FGGY: variants seen among roughly 807,000 people sequenced by gnomAD.
FGGY encodes the protein FGGY carbohydrate kinase domain containing.
A neutral mutation model predicts 71.3 loss-of-function variants in FGGY; 72 were observed. The ratio of observed to expected loss-of-function variants is 1.01; its 90% confidence interval spans 0.84 to 1.23. The LOEUF is 1.23. Among genes scored for constraint, FGGY ranks in the 50% most tolerant of loss-of-function variants. The pLI, the probability that FGGY is intolerant of heterozygous loss-of-function variation, is 0.00. For missense variants in FGGY, 668 were observed against 682.3 expected (o/e 0.98, Z 0.23); for synonymous variants, 251 against 250.3 (o/e 1.00, Z -0.02).
chr1:59,682,700 A>T (rs2097512830), intron 14 of FGGY, among the ~76,000 whole-genome samples: 1 of 152,214 alleles, frequency 6.6e-6, no homozygotes. Context: ...CTGTTGATGT[A>T]TTCTGTAGAA....
At chr1:59,549,751 T>G (rs1223861784) in intron 7 of FGGY, among the ~76,000 whole-genome samples, 3 of 152,244 alleles carry the variant, frequency 2.0e-5, no homozygotes, top group African/African-American at 7.2e-5. Flanking sequence ...AATGTACTCT[T>G]AATCATAACA....
chr1:59,329,371 C>G (rs952878784), intron 2 of FGGY, among the ~76,000 whole-genome samples: 5 of 152,184 alleles, frequency 3.3e-5, no homozygotes, highest in African/African-American at 1.2e-4. Context: ...ATGAAGTGAG[C>G]ACATGCTGTT....
chr1:59,296,809 A>T (rs1230572002), upstream of FGGY: 1 of 152,732 alleles, frequency 6.5e-6, no homozygotes, highest in Non-Finnish European at 1.5e-5. Flanking sequence ...GCGGGGCTGT[A>T]GCCGCCCCGG....
chr1:59,500,012 C>T (rs1362511219), intron 6 of FGGY, among the ~76,000 whole-genome samples: 2 of 152,140 alleles, frequency 1.3e-5, no homozygotes, highest in Admixed American at 6.5e-5. Flanking sequence ...TGTCTCTGTA[C>T]TGTCGAATTT....
At position 59,490,995 on chromosome 1, in the gene FGGY, C is replaced by CCT. The variant is rs1553243867; in HGVS notation, c.671-21316_671-21315insCT. 8.6e-4 allele frequency among the ~76,000 whole-genome samples: 33 copies of CCT among 38,498 alleles called. 2 individuals are homozygous for CCT. Among genetic ancestry groups the CCT allele is most frequent in the African/African-American group, 3.2e-3 (23 of 7,202 alleles). The allele number at this position is 38,498 out of a possible 152,430, so 25.3% of individuals were successfully genotyped here. ...TCCAGCCTGCTTGCTTGCTTGCTTGCTTCCTTTCCTTTCCTTTCCTTTCCT... is the reference window on the plus strand; with the variant it reads ...TCCAGCCTGCTTGCTTGCTTGCTTGCCTTTCCTTTCCTTTCCTTTCCTTTCCT... On this transcript the variant is annotated intron_variant, in intron 6 of 15. Transcript: ENST00000303721.
chr1:59,621,550 G>A (rs962977219), intron 9 of FGGY, among the ~76,000 whole-genome samples: 2 of 147,012 alleles, frequency 1.4e-5, no homozygotes, highest in African/African-American at 2.5e-5. Context: ...TTTTTTCAAT[G>A]CATTTATTTT....
At chr1:59,570,830 G>T (rs1341658369) in intron 8 of FGGY, among the ~76,000 whole-genome samples, 1 of 152,106 alleles carries the variant, frequency 6.6e-6, no homozygotes, top group African/African-American at 2.4e-5. Context: ...ATGCCACCTG[G>T]GTAAAAGCAT....
intron 7 of FGGY, among the ~76,000 whole-genome samples, chr1:59,533,249 A>G (rs1332216824): frequency 6.8e-6 from 1 of 147,374 alleles, no homozygotes; most frequent in Non-Finnish European, 1.5e-5. Flanking sequence ...GGGTGACAGC[A>G]CCTGGAAAAT....
In FGGY at chr1:59,584,654, T is replaced by A. The variant is rs1049567891; in HGVS notation, c.904-23149T>A. Reference sequence around the variant, plus strand: ...TCACCACTGCTATTCAACGTAGTGTTGGAAGTTCTGGCCAGGGCAATCAGG... The same window carrying A: ...TCACCACTGCTATTCAACGTAGTGTAGGAAGTTCTGGCCAGGGCAATCAGG... On this transcript the variant is annotated intron_variant, in intron 8 of 15. Transcript: ENST00000303721. 2.7e-4 allele frequency among the ~76,000 whole-genome samples: 40 copies of A among 150,106 alleles called. 5 individuals are homozygous for A. Among genetic ancestry groups the A allele is most frequent in the African/African-American group, 9.8e-4 (39 of 39,786 alleles).
chr1:59,538,434 G>A (rs2153682043), intron 7 of FGGY, among the ~76,000 whole-genome samples: 1 of 152,102 alleles, frequency 6.6e-6, no homozygotes, highest in East Asian at 1.9e-4. Context: ...AAGTCAGCGT[G>A]GCGATTCCTC....
chr1:59,570,603 G>C (rs535884201), intron 8 of FGGY, among the ~76,000 whole-genome samples: 1 of 152,178 alleles, frequency 6.6e-6, no homozygotes. Context: ...GAGTGAAACA[G>C]TGAGAGATCC....
chr1:59,547,721 G>C (rs1266209184), intron 7 of FGGY, among the ~76,000 whole-genome samples: 1 of 152,170 alleles, frequency 6.6e-6, no homozygotes. Flanking sequence ...GACAAGGTAT[G>C]TTGTGAGGCT....
intron 3 of FGGY, among the ~76,000 whole-genome samples, chr1:59,345,904 T>A (rs553054106): frequency 6.6e-6 from 1 of 152,298 alleles, no homozygotes; most frequent in Non-Finnish European, 1.5e-5. Context: ...CTTTCCTGAA[T>A]GTATGCCCAG....
At chr1:59,613,844 C>T (rs900483323) in intron 9 of FGGY, among the ~76,000 whole-genome samples, 2 of 152,178 alleles carry the variant, frequency 1.3e-5, no homozygotes, top group Non-Finnish European at 2.9e-5. Context: ...GAAATACAAA[C>T]TACCATCAGA....
intron 8 of FGGY, among the ~76,000 whole-genome samples, chr1:59,590,931 C>T (rs541762256): frequency 6.6e-6 from 1 of 152,166 alleles, no homozygotes; most frequent in Non-Finnish European, 1.5e-5. Flanking sequence ...GTTGGAAATT[C>T]TGGCCAGGGC....
chr1:59,411,772 A>G (rs553141072), intron 5 of FGGY, among the ~76,000 whole-genome samples: 1 of 152,248 alleles, frequency 6.6e-6, no homozygotes, highest in Admixed American at 6.5e-5. Context: ...AGTCCTTTTA[A>G]CCAATGGGGA....
Position 59,651,466 on chromosome 1 carries a change from T to C in FGGY, c.1222-8753T>C, listed in dbSNP as rs969466711. ...TTGGGTGCATATATATTTAGGATAG[T>C]TAGCTCTTCTTGTTGAATTGATCCC... is the stretch of plus-strand genomic sequence containing the variant. On this transcript the variant is annotated intron_variant, in intron 11 of 15. Transcript: ENST00000303721. Among the ~76,000 whole-genome samples the C allele has an allele frequency of 1.0e-4, 15 of 148,260 alleles. No individual in the cohort carries two copies. In the South Asian group the frequency reaches 3.1e-3, roughly 31 times the overall value.
At chr1:59,350,539 A>G (rs745495087) in intron 4 of FGGY, among the ~76,000 whole-genome samples, 10 of 152,310 alleles carry the variant, frequency 6.6e-5, no homozygotes, top group Admixed American at 1.3e-4. Flanking sequence ...GGTGAGTCCC[A>G]GGGCATGAGC....
chr1:59,503,347 A>G (rs1297556894), intron 6 of FGGY, among the ~76,000 whole-genome samples: 22 of 151,992 alleles, frequency 1.4e-4, no homozygotes, highest in Admixed American at 1.4e-3. Flanking sequence ...TATAATATTT[A>G]TTGTGTTAAA....
Sources: allele counts gnomAD v4.1 joint callset (sites outside exome capture counted in the v4.1 genomes callset), GRCh38; gene constraint gnomAD v4.1.1; transcripts MANE v1.5; gene names NCBI Gene and HGNC (gene_info 2026-07-23, HGNC 2026-07-21).